The following WWOX variants were observed in gnomAD, a reference collection of about 807,000 sequenced individuals.
The protein encoded by WWOX is WW domain-containing oxidoreductase.
In WWOX, 69 loss-of-function variants were observed where a neutral mutation model predicts 46.2. The observed-to-expected ratio is 1.49, with a 90% CI of 1.23 to 1.82. The LOEUF is 1.82. Among genes scored for constraint, WWOX ranks in the 40% most tolerant of loss-of-function variants. The pLI is 0.00. For synonymous variants in WWOX, 359 were observed against 202.6 expected (o/e 1.77, Z -6.56); for missense variants, 919 against 542.6 (o/e 1.69, Z -6.89).
chr16:79,023,058 T>A (rs114456515), intron 8 of WWOX, among the ~76,000 whole-genome samples: 3,188 of 151,628 alleles, frequency 0.021, 111 homozygotes, highest in African/African-American at 0.074. Context: ...AAAACAAAAA[T>A]AATACCTACA....
At chr16:78,816,677 C>G (rs1463776800) in intron 8 of WWOX, among the ~76,000 whole-genome samples, 5 of 151,842 alleles carry the variant, frequency 3.3e-5, no homozygotes, top group Admixed American at 2.0e-4. Flanking sequence ...GTACAATGTT[C>G]AGGACACTTT....
In WWOX at chr16:78,547,148, A is replaced by C. The variant is rs1199217184; in HGVS notation, c.1056+114396A>C. On this transcript the variant is annotated intron_variant, in intron 8 of 8. Coordinates refer to ENST00000566780, the MANE Select transcript of WWOX (RefSeq NM_016373.4). ...CTCAGAAAAAAAAAAAAAAAAAAAA[A>C]AAAAAAAAAAACAACTACCAGGCCT... 5.3e-4 allele frequency among the ~76,000 whole-genome samples: 48 copies of C among 90,446 alleles called. 1 individual carries two copies. Among genetic ancestry groups the C allele is most frequent in the African/African-American group, 1.3e-3 (44 of 34,026 alleles). 59.3% of individuals were successfully genotyped at this position (90,446 alleles called of 152,430 possible). A position where few individuals can be genotyped will look rare whatever the true frequency, so the allele number is the denominator to read the frequency against.
chr16:78,937,836 C>A lies in WWOX; in HGVS notation c.1057-273772C>A, dbSNP rs111392105. Among the ~76,000 whole-genome samples, 660 of 152,124 alleles carry A rather than the reference C, an allele frequency of 4.3e-3. 10 individuals are homozygous for A. Among genetic ancestry groups the A allele is most frequent in the African/African-American group, 0.015 (605 of 41,490 alleles). ...AGAGGTCTGTTTTTACTATGTTGGC[C>A]AGGCTGGTCTGGAACTCCTGAGGTC... On this transcript the variant is annotated intron_variant, in intron 8 of 8. Coordinates refer to ENST00000566780, the MANE Select transcript of WWOX (RefSeq NM_016373.4).
Position 78,608,581 on chromosome 16 carries a change from T to C in WWOX, c.1056+175829T>C, listed in dbSNP as rs748042999. ...CCCAGAAAGAGTTAAGTGAGGTAAG[T>C]TCGTCAGACTTCTGCAGACCCATAC... On this transcript the variant is annotated intron_variant, in intron 8 of 8. Coordinates refer to ENST00000566780, the MANE Select transcript of WWOX (RefSeq NM_016373.4). Among the ~76,000 whole-genome samples the C allele has an allele frequency of 3.3e-4, 50 of 152,180 alleles. 1 individual carries two copies. The highest frequency in any genetic ancestry group is 6.6e-4 in the Non-Finnish European group (45 of 68,034).
intron 5 of WWOX, among the ~76,000 whole-genome samples, chr16:78,269,914 G>GTTGTTTT (rs2079440304): frequency 1.6e-5 from 2 of 125,678 alleles, no homozygotes; most frequent in East Asian, 4.8e-4. Context: ...ACATAAGGAA[G>GTTGTTTT]TTTTTTTTTT....
chr16:79,133,223 C>T (rs998801633), intron 8 of WWOX, among the ~76,000 whole-genome samples: 6 of 152,132 alleles, frequency 3.9e-5, no homozygotes, highest in South Asian at 2.1e-4. Context: ...TCTAATGAAA[C>T]GCATTTCATG....
chr16:78,542,060 A>G (rs1048529875), intron 8 of WWOX, among the ~76,000 whole-genome samples: 13 of 148,320 alleles, frequency 8.8e-5, no homozygotes, highest in African/African-American at 2.5e-4. Flanking sequence ...AATTGCACAG[A>G]CCCCAGCTTA....
intron 8 of WWOX, chr16:78,550,743 G>C (rs2044154099): frequency 6.6e-6 from 1 of 152,198 alleles, no homozygotes; most frequent in African/African-American, 2.4e-5. Context: ...AGGCGGGAAA[G>C]AGCTAGCTTG....
intron 8 of WWOX, among the ~76,000 whole-genome samples, chr16:78,532,287 G>T (rs1192645975): frequency 6.6e-6 from 1 of 152,084 alleles, no homozygotes; most frequent in African/African-American, 2.4e-5. Context: ...GTGGTGGGGG[G>T]ATGCCATTTT....
chr16:78,730,611 C>G (rs909800800), intron 8 of WWOX, among the ~76,000 whole-genome samples: 3 of 132,700 alleles, frequency 2.3e-5, no homozygotes, highest in Non-Finnish European at 4.6e-5. Context: ...GCCACCACGC[C>G]CGGCAATTTT....
chr16:78,205,552 TC>T (rs1275117156), intron 5 of WWOX, among the ~76,000 whole-genome samples: 1 of 151,696 alleles, frequency 6.6e-6, no homozygotes, highest in Non-Finnish European at 1.5e-5. Context: ...CATGAATCTA[TC>T]CATCCATCTG....
intron 8 of WWOX, among the ~76,000 whole-genome samples, chr16:78,731,267 G>A (rs1163765671): frequency 1.3e-5 from 2 of 152,124 alleles, no homozygotes; most frequent in East Asian, 1.9e-4. Flanking sequence ...GGTTAGACCC[G>A]AGGTAAGAAT....
At chr16:78,509,471 A>G (rs774360595) in intron 8 of WWOX, among the ~76,000 whole-genome samples, 17 of 151,918 alleles carry the variant, frequency 1.1e-4, no homozygotes, top group Non-Finnish European at 2.9e-5. Flanking sequence ...AATAATAATA[A>G]TCGCACCTCA....
chr16:78,193,685 G>T (rs1301836482), intron 5 of WWOX, among the ~76,000 whole-genome samples: 1 of 151,988 alleles, frequency 6.6e-6, no homozygotes, highest in African/African-American at 2.4e-5. Context: ...ACACCATATG[G>T]GTATGTGAGT....
At chr16:78,522,409 G>A (rs1412469430) in intron 8 of WWOX, among the ~76,000 whole-genome samples, 4 of 152,136 alleles carry the variant, frequency 2.6e-5, no homozygotes, top group African/African-American at 9.7e-5. Context: ...CACGGTTCTG[G>A]AAGCTCTCCT....
intron 8 of WWOX, among the ~76,000 whole-genome samples, chr16:78,734,350 C>A (rs151159712): frequency 4.2e-4 from 64 of 152,196 alleles, no homozygotes; most frequent in African/African-American, 1.3e-3. Context: ...CTGAATTTAT[C>A]ATCAATATTT....
chr16:79,134,760 C>T (rs987523767), intron 8 of WWOX, among the ~76,000 whole-genome samples: 3 of 152,158 alleles, frequency 2.0e-5, no homozygotes, highest in Admixed American at 2.0e-4. Flanking sequence ...CAGTACTTAG[C>T]CAGGGGATTT....
At chr16:79,203,956 C>T (rs988724245) in intron 8 of WWOX, 2 of 152,154 alleles carry the variant, frequency 1.3e-5, no homozygotes, top group Non-Finnish European at 2.9e-5. Context: ...TCTTTTATAT[C>T]TTATAAACAC....
chr16:78,135,671 T>A (rs963961951), intron 4 of WWOX, among the ~76,000 whole-genome samples: 1 of 151,760 alleles, frequency 6.6e-6, no homozygotes, highest in East Asian at 1.9e-4. Context: ...ATAATTAGAC[T>A]GACAGTATTA....
Sources: allele counts gnomAD v4.1 joint callset (sites outside exome capture counted in the v4.1 genomes callset), GRCh38; gene constraint gnomAD v4.1.1; transcripts MANE v1.5; gene names NCBI Gene and HGNC (gene_info 2026-07-23, HGNC 2026-07-21).